Variants in SENP5 observed in about 807,000 individuals in gnomAD.
SENP5 encodes SUMO specific peptidase 5.
In SENP5, 21 loss-of-function variants were observed where a neutral mutation model predicts 74.2. The ratio of observed to expected loss-of-function variants is 0.28; its 90% CI spans 0.20 to 0.41. The LOEUF (loss-of-function observed/expected upper bound fraction) is 0.41. Among genes scored for constraint, SENP5 ranks in the 10% least tolerant of loss-of-function variants. SENP5 has a pLI of 1.00. For synonymous variants in SENP5, 311 were observed against 312.7 expected (o/e 0.99, Z 0.06); for missense variants, 717 against 889.1 (o/e 0.81, Z 2.46).
intron 6 of SENP5, among the ~76,000 whole-genome samples, chr3:196,918,032 G>A (rs1056223554): frequency 4.0e-5 from 6 of 151,642 alleles, no homozygotes; most frequent in African/African-American, 1.5e-4. Flanking sequence ...AACAATGGCC[G>A]GGCACGGTGG....
At chr3:196,926,182 C>T (rs1359762265) in intron 7 of SENP5, among the ~76,000 whole-genome samples, 2 of 152,150 alleles carry the variant, frequency 1.3e-5, no homozygotes, top group Non-Finnish European at 1.5e-5. Flanking sequence ...CTGTATTTTA[C>T]TTAAGAATGT....
intron 5 of SENP5, 30 bp downstream of exon 5, chr3:196,900,442 A>G: frequency 6.3e-7 from 1 of 1,575,458 alleles, no homozygotes; most frequent in South Asian, 1.2e-5. Flanking sequence ...TCTGCAGGAG[A>G]GAGTGTTCTT....
intron 2 of SENP5, among the ~76,000 whole-genome samples, chr3:196,894,272 C>T (rs910459550): frequency 7.9e-5 from 12 of 151,388 alleles, no homozygotes; most frequent in Non-Finnish European, 1.0e-4. Flanking sequence ...GACAGGTGCC[C>T]GCCACCACGC....
intron 1 of SENP5, among the ~76,000 whole-genome samples, chr3:196,876,863 A>G (rs529703682): frequency 1.3e-5 from 2 of 152,266 alleles, no homozygotes; most frequent in African/African-American, 4.8e-5. Context: ...ACAGAGTGAG[A>G]CACTCTCAAA....
intron 6 of SENP5, among the ~76,000 whole-genome samples, chr3:196,908,256 G>A (rs1457444533): frequency 6.6e-6 from 1 of 152,084 alleles, no homozygotes; most frequent in Non-Finnish European, 1.5e-5. Context: ...CTCCTGCCTG[G>A]GTGACAGACT....
rs143096118 is a variant in SENP5, at chr3:196,880,036, C to T, written c.-31-5115C>T. On this transcript the variant is annotated intron_variant, in intron 1 of 9. Coordinates refer to ENST00000323460, the MANE Select transcript of SENP5 (RefSeq NM_152699.5). ...TCTCGGCTCACTGCAACTTCTGCCT[C>T]CTGGGTTCAAGTGATTCTCCTGCCT... Among the ~76,000 whole-genome samples, 765 of 152,042 alleles carry T rather than the reference C, an allele frequency of 5.0e-3. 6 individuals carry two copies. Among genetic ancestry groups the T allele is most frequent in the Non-Finnish European group, 7.3e-3 (499 of 67,998 alleles).
chr3:196,880,931 G>A (rs985963938), intron 1 of SENP5, among the ~76,000 whole-genome samples: 1 of 150,134 alleles, frequency 6.7e-6, no homozygotes, highest in Non-Finnish European at 1.5e-5. Flanking sequence ...ATGAGCCACC[G>A]CGCCTGGCCC....
In SENP5 at chr3:196,884,349, G is replaced by T. The variant is rs1281316354; in HGVS notation, c.-31-802G>T. Among the ~76,000 whole-genome samples, 3 of 152,162 alleles carry T rather than the reference G, an allele frequency of 2.0e-5. No homozygotes were observed. The East Asian group carries it at 5.8e-4, about 29-fold the overall frequency. ...CAACACAAGCATACACACATATACT[G>T]CAGGAACACACTCTAGAAGTAGATG... is the stretch of plus-strand genomic sequence containing the variant. On this transcript the variant is annotated intron_variant, in intron 1 of 9. Coordinates refer to ENST00000323460, the MANE Select transcript of SENP5 (RefSeq NM_152699.5).
At chr3:196,900,220 G>C (rs891122191) in intron 4 of SENP5, 145 bp from the exon 5 acceptor site, 2 of 1,032,432 alleles carry the variant, frequency 1.9e-6, no homozygotes, top group Admixed American at 2.9e-5. Flanking sequence ...GATTACTATT[G>C]GCAGTAATAA....
In SENP5 at chr3:196,886,325, T is replaced by C. The variant is rs1252317555; in HGVS notation, c.1144T>C (p.Ser382Pro). ...IHDIPLPEHR[S>P]NTMFISETER... ...TGACATCCCCTTACCAGAACATCGT[T>C]CTAATACCATGTTCATTTCAGAAAC... Residue 382 changes from serine (S) to proline (P), a missense_variant, in exon 2 of 10, where the codon TCT (serine) becomes CCT (proline). Transcript: ENST00000323460. 1.9e-6 allele frequency: 3 copies of C among 1,613,936 alleles called. No homozygotes were observed. The Admixed American group carries it at 5.0e-5, about 27-fold the overall frequency.
chr3:196,892,208 A>T (rs1714239547), intron 2 of SENP5, among the ~76,000 whole-genome samples: 1 of 151,976 alleles, frequency 6.6e-6, no homozygotes, highest in South Asian at 2.1e-4. Flanking sequence ...CAGAGGCGTG[A>T]TCTCAGCTCA....
intron 1 of SENP5, among the ~76,000 whole-genome samples, chr3:196,876,456 T>A (rs961546665): frequency 1.3e-5 from 2 of 149,988 alleles, no homozygotes; most frequent in African/African-American, 4.9e-5. Context: ...AGGCGGAGCT[T>A]GCAGTGAGCC....
chr3:196,903,655 G>C (rs1714788582), intron 6 of SENP5, 45 bp downstream of exon 6: 2 of 1,211,676 alleles, frequency 1.7e-6, no homozygotes, highest in Non-Finnish European at 2.4e-6. Context: ...AAACGCAGAT[G>C]ATAAACCACT....
At chr3:196,868,342 A>G (rs1713026108) in intron 1 of SENP5, among the ~76,000 whole-genome samples, 1 of 152,208 alleles carries the variant, frequency 6.6e-6, no homozygotes, top group Non-Finnish European at 1.5e-5. Flanking sequence ...GGCGCCCCCC[A>G]GCTCCTCCTG....
At chr3:196,884,908 GTTTATT>G (rs1713887206) in intron 1 of SENP5, among the ~76,000 whole-genome samples, 3 of 152,074 alleles carry the variant, frequency 2.0e-5, no homozygotes, top group African/African-American at 7.2e-5. Context: ...TGATTCTTAA[GTTTATT>G]TTTCTCAGAG....
rs1716169906 is a variant in SENP5 at position 196,934,497 on chromosome 3, C to G, written c.*3574C>G. On this transcript the variant is annotated 3_prime_UTR_variant, in exon 10 of 10. Coordinates refer to ENST00000323460, the MANE Select transcript of SENP5 (RefSeq NM_152699.5). The stretch of plus-strand genomic sequence containing the variant: ...TTTGTTACGTGCTAGGCTTTGCCTC[C>G]TGGCCTCTAGATAATTAAGACGGCC... The G allele has an allele frequency of 6.6e-6, 1 of 152,228 alleles. No individual in the cohort carries two copies. Among genetic ancestry groups the G allele is most frequent in the Non-Finnish European group, 1.5e-5 (1 of 68,040 alleles). The allele number at this position is 152,228 out of a possible 1,614,324, so 9.4% of individuals were successfully genotyped here.
In SENP5 at chr3:196,934,076, C is replaced by G. The variant is rs972667099; in HGVS notation, c.*3153C>G. 3 of 152,154 alleles carry G rather than the reference C, an allele frequency of 2.0e-5. No homozygotes were observed. In the East Asian group the frequency reaches 5.8e-4, roughly 29 times the overall value. 9.4% of individuals were successfully genotyped at this position (152,154 alleles called of 1,614,324 possible). On this transcript the variant is annotated 3_prime_UTR_variant, in exon 10 of 10. Transcript: ENST00000323460. ...TATAGCAGTGAATATAGATTTGATT[C>G]AACTTTTAGTTACGTTCTCTCAAGA...
At chr3:196,921,612 G>C (rs1181735304) in intron 6 of SENP5, among the ~76,000 whole-genome samples, 3 of 150,814 alleles carry the variant, frequency 2.0e-5, no homozygotes, top group Non-Finnish European at 4.4e-5. Flanking sequence ...TAGATACTCG[G>C]AATTAAAAAA....
At chr3:196,881,578 C>T (rs1368818639) in intron 1 of SENP5, among the ~76,000 whole-genome samples, 1 of 151,774 alleles carries the variant, frequency 6.6e-6, no homozygotes. Flanking sequence ...TAAATTGTCT[C>T]CTTATGTATT....
Sources: allele counts gnomAD v4.1 joint callset (sites outside exome capture counted in the v4.1 genomes callset), GRCh38; gene constraint gnomAD v4.1.1; transcripts MANE v1.5; gene names NCBI Gene and HGNC (gene_info 2026-07-23, HGNC 2026-07-21).